Variants in MVB12B observed in about 807,000 individuals in gnomAD.
MVB12B encodes ESCRT-I complex subunit MVB12B.
Under a neutral mutation model 41.6 loss-of-function variants are expected in MVB12B, and 16 were observed. The ratio of observed to expected loss-of-function variants is 0.38; its 90% CI spans 0.26 to 0.58. The LOEUF (loss-of-function observed/expected upper bound fraction) is 0.58. Ranked by LOEUF, MVB12B falls within the 20% of genes least tolerant of loss-of-function variation. MVB12B has a pLI of 0.62. For synonymous variants in MVB12B, 133 were observed against 139.7 expected (o/e 0.95, Z 0.34); for missense variants, 274 against 380.2 (o/e 0.72, Z 2.32).
At chr9:126,356,422 C>G (rs1378886393) in intron 2 of MVB12B, among the ~76,000 whole-genome samples, 1 of 152,034 alleles carries the variant, frequency 6.6e-6, no homozygotes, top group African/African-American at 2.4e-5. Context: ...TGTTTGGTTT[C>G]TGTTGCGCAT....
Position 126,392,141 on chromosome 9 carries a change from A to G in MVB12B, c.485A>G (p.Asp162Gly). 6.2e-7 allele frequency: 1 copy of G among 1,614,188 alleles called. No individual in the cohort carries two copies. The highest frequency in any genetic ancestry group is 8.5e-7 in the Non-Finnish European group (1 of 1,180,028). ...PRDSTEAAICDIRIMGRTKQA... is the reference protein window; with the variant it reads ...PRDSTEAAICGIRIMGRTKQA... Reference sequence around the variant, plus strand: ...GATTCAACGGAAGCTGCGATTTGTGACATTCGGATCATGGGCCGGACCAAG... The same window carrying G: ...GATTCAACGGAAGCTGCGATTTGTGGCATTCGGATCATGGGCCGGACCAAG... Residue 162 changes from aspartate to glycine, a missense_variant, in exon 5 of 10, where the codon GAC (aspartate) becomes GGC (glycine). Transcript: ENST00000361171. This position sits in a 1 kb window ranked among gnomAD's most constrained non-coding sequence, Gnocchi z 4.8.
At chr9:126,445,630 G>T (rs927509244) in intron 7 of MVB12B, among the ~76,000 whole-genome samples, 1 of 152,060 alleles carries the variant, frequency 6.6e-6, no homozygotes, top group African/African-American at 2.4e-5. Context: ...TTTCATTGGT[G>T]ATTAAATATT....
At chr9:126,483,370 C>G (rs1248499839) in intron 8 of MVB12B, among the ~76,000 whole-genome samples, 2 of 152,210 alleles carry the variant, frequency 1.3e-5, no homozygotes, top group Admixed American at 6.5e-5. Flanking sequence ...TAAAAACTCT[C>G]ATTAAAATGC....
chr9:126,384,559 T>C (rs1830718784), intron 3 of MVB12B, among the ~76,000 whole-genome samples: 1 of 152,106 alleles, frequency 6.6e-6, no homozygotes, highest in Admixed American at 6.5e-5. Context: ...AACGAAGTCT[T>C]CCTCTGTCGC....
chr9:126,399,394 C>T (rs1252213986), intron 6 of MVB12B, among the ~76,000 whole-genome samples: 2 of 152,212 alleles, frequency 1.3e-5, no homozygotes, highest in Non-Finnish European at 2.9e-5. Flanking sequence ...GACGGAGGCA[C>T]AGTCCCATCT....
In MVB12B at chr9:126,393,787, TG is replaced by T. The variant is rs568690015; in HGVS notation, c.539+1594del. Among the ~76,000 whole-genome samples, 3 of 152,368 alleles carry T rather than the reference TG, an allele frequency of 2.0e-5. No individual in the cohort carries two copies. The East Asian group carries it at 5.8e-4, about 29-fold the overall frequency. On this transcript the variant is annotated intron_variant, in intron 5 of 9. Transcript: ENST00000361171. ...CATGTGCGTCTTCCCTGGCCAGGGC[TG>T]GCAGGGGCCATGTGTTTCCCTGTGG...
In MVB12B at chr9:126,384,964, G is replaced by A. The variant is rs185914761; in HGVS notation, c.313-1598G>A. The stretch of plus-strand genomic sequence containing the variant: ...CAATCCTCCTACTTCAGCTTCCTGA[G>A]TAGCTGGGACTACATGCATGAGTGC... On this transcript the variant is annotated intron_variant, in intron 3 of 9. Transcript: ENST00000361171. Among the ~76,000 whole-genome samples, 368 of 150,936 alleles carry A rather than the reference G, an allele frequency of 2.4e-3. 1 individual carries two copies. Among genetic ancestry groups the A allele is most frequent in the African/African-American group, 8.5e-3 (350 of 40,980 alleles).
chr9:126,475,924 G>T lies in MVB12B; in HGVS notation c.758-5445G>T, dbSNP rs566259534. 2.2e-4 allele frequency among the ~76,000 whole-genome samples: 33 copies of T among 152,292 alleles called. No homozygotes were observed. The East Asian group carries it at 6.0e-3, about 28-fold the overall frequency. ...AGCATCTGACTATGCCCCTCCTTCT[G>T]TCGTGAACTCTCAGACGGTGGTGGT... On this transcript the variant is annotated intron_variant, in intron 7 of 9. Transcript: ENST00000361171.
intron 7 of MVB12B, among the ~76,000 whole-genome samples, chr9:126,450,890 C>G (rs999055295): frequency 5.9e-5 from 9 of 152,196 alleles, no homozygotes; most frequent in African/African-American, 2.2e-4. Flanking sequence ...AGGAATGACA[C>G]CCTGTATCCC....
chr9:126,499,282 A>C (rs1833901986), intron 9 of MVB12B, among the ~76,000 whole-genome samples: 1 of 151,832 alleles, frequency 6.6e-6, no homozygotes, highest in Non-Finnish European at 1.5e-5. Flanking sequence ...CCCTGGCAGA[A>C]CCCCTGACAG....
chr9:126,358,387 T>C (rs966528562), intron 2 of MVB12B, among the ~76,000 whole-genome samples: 1 of 152,080 alleles, frequency 6.6e-6, no homozygotes, highest in Admixed American at 6.5e-5. Flanking sequence ...ATTAAATGTG[T>C]GGGTCAATTC....
intron 7 of MVB12B, among the ~76,000 whole-genome samples, chr9:126,429,379 C>G (rs963389662): frequency 6.6e-6 from 1 of 152,292 alleles, no homozygotes; most frequent in South Asian, 2.1e-4. Flanking sequence ...AGGTTTGCTC[C>G]GTACACAACC....
chr9:126,500,144 C>T (rs1470625736), intron 9 of MVB12B, among the ~76,000 whole-genome samples: 3 of 152,048 alleles, frequency 2.0e-5, no homozygotes, highest in Non-Finnish European at 4.4e-5. Context: ...TCTCTCTGGC[C>T]GGCCAGCCCT....
intron 9 of MVB12B, 146 bp from the exon 10 acceptor site, chr9:126,503,031 T>G (rs1833992029): frequency 2.7e-6 from 2 of 735,698 alleles, no homozygotes; most frequent in Non-Finnish European, 4.8e-6. Flanking sequence ...AGGCTCTGGC[T>G]GGCACCGGCC....
chr9:126,471,923 C>T (rs915564919), intron 7 of MVB12B, among the ~76,000 whole-genome samples: 1 of 152,074 alleles, frequency 6.6e-6, no homozygotes. Flanking sequence ...CACTTAACAC[C>T]GCTTGACAAC....
At chr9:126,330,751 A>G (rs1829107845) in intron 1 of MVB12B, among the ~76,000 whole-genome samples, 1 of 152,068 alleles carries the variant, frequency 6.6e-6, no homozygotes, top group South Asian at 2.1e-4. Context: ...TCATAAAACA[A>G]CTTTGCATTT....
intron 2 of MVB12B, among the ~76,000 whole-genome samples, chr9:126,348,020 G>A (rs1829646046): frequency 6.6e-6 from 1 of 152,232 alleles, no homozygotes; most frequent in Non-Finnish European, 1.5e-5. Flanking sequence ...GCAGCAGCTT[G>A]TTCTTGCTGT....
At chr9:126,460,613 C>G (rs1008885744) in intron 7 of MVB12B, among the ~76,000 whole-genome samples, 1 of 152,024 alleles carries the variant, frequency 6.6e-6, no homozygotes, top group South Asian at 2.1e-4. Flanking sequence ...CATCGCCTCT[C>G]CCTGACCGGG....
chr9:126,465,624 T>C (rs182514949), intron 7 of MVB12B, among the ~76,000 whole-genome samples: 5 of 135,448 alleles, frequency 3.7e-5, no homozygotes, highest in African/African-American at 1.1e-4. Flanking sequence ...GGCGCAGCTA[T>C]CATGGAGCTT....
Sources: gnomAD v4.1 joint callset for allele counts (sites outside exome capture counted in the v4.1 genomes callset) on GRCh38, gnomAD v4.1.1 for gene constraint, Gnocchi (gnomAD v3.1) non-coding constraint, MANE v1.5 for transcripts, NCBI Gene and HGNC (gene_info 2026-07-23, HGNC 2026-07-21) for gene names.